CDH23: variants seen among roughly 807,000 people sequenced by gnomAD.
CDH23 encodes cadherin related 23, also known as cadherin-23.
A neutral mutation model predicts 317.1 loss-of-function variants in CDH23; 189 were observed. The observed-to-expected ratio is 0.60, with a 90% CI of 0.53 to 0.67. CDH23 has a LOEUF of 0.67. Ranked by LOEUF, CDH23 falls within the 30% of genes least tolerant of loss-of-function variation. The pLI, the probability that CDH23 is intolerant of heterozygous loss-of-function variation, is 0.00. For missense variants in CDH23, 4,401 were observed against 4,592.4 expected (o/e 0.96, Z 1.20); for synonymous variants, 1,839 against 1,876.8 (o/e 0.98, Z 0.52).
At chr10:71,534,790 C>T (rs1335609351) in intron 6 of CDH23, among the ~76,000 whole-genome samples, 1 of 152,186 alleles carries the variant, frequency 6.6e-6, no homozygotes, top group African/African-American at 2.4e-5. Flanking sequence ...CAGGTTTGGA[C>T]ATTGGCACAG....
At chr10:71,693,209 TACC>T (rs1163184905) in intron 20 of CDH23, among the ~76,000 whole-genome samples, 2 of 152,028 alleles carry the variant, frequency 1.3e-5, no homozygotes, top group African/African-American at 4.8e-5. Context: ...CCATATTCAA[TACC>T]ACCAAGTTGG....
chr10:71,646,799 A>G, intron 14 of CDH23, 182 bp downstream of exon 14: 23 of 1,539,532 alleles, frequency 1.5e-5, no homozygotes, highest in Non-Finnish European at 2.0e-5. Context: ...GGCTCCCTTG[A>G]CCTAGGTTGC....
chr10:71,419,671 C>G (rs1184136174), intron 1 of CDH23, among the ~76,000 whole-genome samples: 1 of 152,186 alleles, frequency 6.6e-6, no homozygotes, highest in Non-Finnish European at 1.5e-5. Flanking sequence ...TTTACTTTTT[C>G]TATCTATTCA....
intron 6 of CDH23, among the ~76,000 whole-genome samples, chr10:71,533,198 C>T (rs962750979): frequency 2.6e-5 from 4 of 151,682 alleles, no homozygotes; most frequent in Non-Finnish European, 4.4e-5. Context: ...TGGTGAGCTC[C>T]GGAATCACAA....
At chr10:71,663,392 G>A (rs916241270) in intron 14 of CDH23, among the ~76,000 whole-genome samples, 5 of 152,304 alleles carry the variant, frequency 3.3e-5, no homozygotes, top group Middle Eastern at 3.4e-3. Flanking sequence ...CGGGAATGCC[G>A]TCTCCCCTGC....
chr10:71,501,697 G>T (rs1004276735), intron 3 of CDH23, among the ~76,000 whole-genome samples: 2 of 152,220 alleles, frequency 1.3e-5, no homozygotes, highest in African/African-American at 2.4e-5. Context: ...CAGGAATCAA[G>T]GCACTTAACT....
chr10:71,662,745 T>C (rs1016509493), intron 14 of CDH23, among the ~76,000 whole-genome samples: 1 of 152,236 alleles, frequency 6.6e-6, no homozygotes, highest in African/African-American at 2.4e-5. Context: ...GACTGTGAGC[T>C]TCTTGCTCCC....
rs996271940 is a variant in CDH23 at position 71,810,060 on chromosome 10, A to C, written c.8963A>C (p.Asn2988Thr). 3 of 1,612,222 alleles carry C rather than the reference A, an allele frequency of 1.9e-6. No homozygotes were observed. The highest frequency in any genetic ancestry group is 1.3e-5 in the African/African-American group (1 of 74,926). ...LLSNITGAIV[N>T]TDNVQFHVDK... ...TCCAACATCACTGGGGCCATTGTCA[A>C]TACTGACAATGTGCAGGTGCCTCAT... The change falls in exon 61 of 70, where the codon AAT becomes ACT. Residue 2988 changes from asparagine to threonine, a missense_variant. By Grantham distance (65) the Asn-to-Thr change is moderately conservative. Around this residue, in one of 3 missense-constraint regions of CDH23, gnomAD observed 1,144 missense variants for 1,138.2 expected, o/e 1.01. Transcript: ENST00000224721.
At position 71,774,956 on chromosome 10, in the gene CDH23, A is replaced by G. The variant is rs191732960; in HGVS notation, c.4846-2724A>G. Among the ~76,000 whole-genome samples, 213 of 152,254 alleles carry G rather than the reference A, an allele frequency of 1.4e-3. 1 individual carries two copies. Among genetic ancestry groups the G allele is most frequent in the African/African-American group, 4.8e-3 (200 of 41,554 alleles). ...TGCTCTAAGGGCAGGGAAGGCTACA[A>G]CAGAGGAAGGCTGAGGCATCATGTT... On this transcript the variant is annotated intron_variant, in intron 38 of 69. Coordinates refer to ENST00000224721, the MANE Select transcript of CDH23 (RefSeq NM_022124.6).
At chr10:71,550,579 A>AAAAAAAAAAAAG (rs1564647432) in intron 6 of CDH23, among the ~76,000 whole-genome samples, 20 of 121,202 alleles carry the variant, frequency 1.7e-4, no homozygotes, top group East Asian at 7.5e-4. Context: ...AAAAAAAAAG[A>AAAAAAAAAAAAG]AAAAAGAAAA....
At chr10:71,535,010 C>G (rs1471454697) in intron 6 of CDH23, among the ~76,000 whole-genome samples, 1 of 152,222 alleles carries the variant, frequency 6.6e-6, no homozygotes, top group Non-Finnish European at 1.5e-5. Context: ...GGAGAGGGCC[C>G]CTGGGGGCTG....
intron 11 of CDH23, among the ~76,000 whole-genome samples, chr10:71,641,324 AG>A (rs1862540957): frequency 6.6e-6 from 1 of 152,176 alleles, no homozygotes; most frequent in South Asian, 2.1e-4. Flanking sequence ...TTGTGTATCT[AG>A]GGAGAGGAGG....
chr10:71,492,806 C>T (rs552638101), intron 3 of CDH23, among the ~76,000 whole-genome samples: 10 of 152,270 alleles, frequency 6.6e-5, no homozygotes, highest in African/African-American at 2.4e-4. Flanking sequence ...GGACACAGGG[C>T]GGGGTGTGCT....
chr10:71,494,101 G>C (rs1852821778), intron 3 of CDH23, among the ~76,000 whole-genome samples: 1 of 152,074 alleles, frequency 6.6e-6, no homozygotes, highest in South Asian at 2.1e-4. Context: ...TTGTTCATTT[G>C]CTTCCTATTA....
chr10:71,667,397 C>CGTGT (rs1554853140), intron 14 of CDH23, among the ~76,000 whole-genome samples: 1 of 106,880 alleles, frequency 9.4e-6, no homozygotes, highest in Non-Finnish European at 2.3e-5. Flanking sequence ...TGTGTGTGTG[C>CGTGT]GCGTGTGTGT....
At chr10:71,538,612 A>C (rs1855830527) in intron 6 of CDH23, among the ~76,000 whole-genome samples, 1 of 152,178 alleles carries the variant, frequency 6.6e-6, no homozygotes, top group Admixed American at 6.5e-5. Context: ...CAAGTGCATC[A>C]AGACTGTCTG....
chr10:71,740,157 C>T (rs566197721), intron 36 of CDH23, among the ~76,000 whole-genome samples: 3 of 152,334 alleles, frequency 2.0e-5, no homozygotes, highest in Non-Finnish European at 2.9e-5. Flanking sequence ...AAAAAATCCC[C>T]GTCTGGCCTG....
chr10:71,554,435 C>A (rs1293343934), intron 6 of CDH23, among the ~76,000 whole-genome samples: 2 of 151,684 alleles, frequency 1.3e-5, no homozygotes, highest in Non-Finnish European at 2.9e-5. Flanking sequence ...TGGGCTCTAG[C>A]AATCCTCCCA....
chr10:71,629,999 T>C (rs1254497156), intron 11 of CDH23, among the ~76,000 whole-genome samples: 1 of 152,164 alleles, frequency 6.6e-6, no homozygotes, highest in African/African-American at 2.4e-5. Flanking sequence ...GAATTGTATC[T>C]CCATTTTTTA....
Sources: allele counts gnomAD v4.1 joint callset (sites outside exome capture counted in the v4.1 genomes callset), GRCh38; gene constraint gnomAD v4.1.1; regional missense constraint gnomAD v4.1.1; transcripts MANE v1.5; gene names NCBI Gene and HGNC (gene_info 2026-07-23, HGNC 2026-07-21).